The following MAF variants were observed in gnomAD, a reference collection of about 807,000 sequenced individuals.
MAF encodes the protein transcription factor Maf.
In MAF, 10 loss-of-function variants were observed where a neutral mutation model predicts 22.0. The ratio of observed to expected loss-of-function variants is 0.45; its 90% CI spans 0.28 to 0.77. The LOEUF is 0.77. MAF is among the 30% of genes least tolerant of loss of function. The pLI, the probability that MAF is intolerant of heterozygous loss-of-function variation, is 0.12. For missense variants in MAF, 544 were observed against 548.4 expected (o/e 0.99, Z 0.08); for synonymous variants, 337 against 255.8 (o/e 1.32, Z -3.03).
chr16:79,399,293 C>T, the MAF span, among the ~76,000 whole-genome samples: 1 of 152,152 alleles, frequency 6.6e-6, no homozygotes, highest in Non-Finnish European at 1.5e-5. Flanking sequence ...TTGTAAAGTG[C>T]TCATGACAAG....
chr16:79,458,276 G>C, the MAF span, among the ~76,000 whole-genome samples: 7 of 151,990 alleles, frequency 4.6e-5, no homozygotes, highest in African/African-American at 9.7e-5. Flanking sequence ...TTTCTTCCTC[G>C]TGTCTCATCA....
the MAF span, among the ~76,000 whole-genome samples, chr16:79,506,203 G>C: frequency 6.6e-6 from 1 of 152,140 alleles, no homozygotes; most frequent in African/African-American, 2.4e-5. Context: ...TCTGTAACCA[G>C]CTATTGTCCC....
the MAF span, among the ~76,000 whole-genome samples, chr16:79,462,064 G>A: frequency 6.6e-6 from 1 of 152,094 alleles, no homozygotes; most frequent in African/African-American, 2.4e-5. Flanking sequence ...GGCTCTCTCT[G>A]TTTTCCCCGC....
chr16:79,311,511 A>G, the MAF span, among the ~76,000 whole-genome samples: 1 of 151,668 alleles, frequency 6.6e-6, no homozygotes, highest in African/African-American at 2.4e-5. Context: ...AAAAAAAAAA[A>G]AAAACATTAT....
chr16:79,596,552 G>C, intron 1 of MAF: 1 of 1,048,814 alleles, frequency 9.5e-7, no homozygotes, highest in South Asian at 4.6e-5. Flanking sequence ...TGAAAGAAAA[G>C]CACATAGGAA....
the MAF span, among the ~76,000 whole-genome samples, chr16:79,323,210 T>C: frequency 3.4e-3 from 235 of 68,178 alleles, 1 homozygote; most frequent in East Asian, 0.011. Context: ...CTAGTGATGA[T>C]AAGAGTTCAA....
At chr16:79,212,461 A>C in the MAF span, 3 of 246,304 alleles carry the variant, frequency 1.2e-5, no homozygotes, top group Admixed American at 9.8e-5. Flanking sequence ...CAAATTTTTC[A>C]AATCATTCCT....
the MAF span, among the ~76,000 whole-genome samples, chr16:79,483,989 A>G: frequency 6.6e-6 from 1 of 152,158 alleles, no homozygotes; most frequent in African/African-American, 2.4e-5. Flanking sequence ...AGGGATGGAA[A>G]AAGTGTGTTA....
the MAF span, among the ~76,000 whole-genome samples, chr16:79,430,984 T>C: frequency 1.3e-5 from 2 of 152,320 alleles, 1 homozygote; most frequent in South Asian, 4.1e-4. Context: ...CCCTCTTTTC[T>C]ACTAGCTCTG....
chr16:79,363,255 T>C, the MAF span, among the ~76,000 whole-genome samples: 25 of 152,300 alleles, frequency 1.6e-4, no homozygotes, highest in South Asian at 1.9e-3. Flanking sequence ...GGAGGAGATA[T>C]ATTAAAATAC....
At chr16:79,593,000 C>T (rs1046652216), downstream of MAF, among the ~76,000 whole-genome samples, 1 of 152,104 alleles carries the variant, frequency 6.6e-6, no homozygotes, top group Non-Finnish European at 1.5e-5. Context: ...GGAAATCAGA[C>T]GGCTGAAGGT....
At chr16:79,329,642 A>G in the MAF span, among the ~76,000 whole-genome samples, 2 of 152,182 alleles carry the variant, frequency 1.3e-5, no homozygotes, top group African/African-American at 4.8e-5. Flanking sequence ...CCCCATCTGA[A>G]TAACCCTCTA....
the MAF span, chr16:79,229,228 T>A: frequency 6.6e-6 from 1 of 151,546 alleles, no homozygotes; most frequent in African/African-American, 2.4e-5. Flanking sequence ...AAAACCCTCA[T>A]CTCCAGGCCA....
chr16:79,569,296 C>T, the MAF span, among the ~76,000 whole-genome samples: 1 of 152,170 alleles, frequency 6.6e-6, no homozygotes, highest in Admixed American at 6.5e-5. Context: ...TGAGTCTTGG[C>T]AACCAAAAAT....
the MAF span, among the ~76,000 whole-genome samples, chr16:79,356,094 C>CA: frequency 6.6e-6 from 1 of 152,042 alleles, no homozygotes; most frequent in African/African-American, 2.4e-5. Flanking sequence ...CCTACACACC[C>CA]ACACGTGCAT....
the MAF span, among the ~76,000 whole-genome samples, chr16:79,528,052 G>C: frequency 3.3e-5 from 5 of 152,164 alleles, no homozygotes; most frequent in African/African-American, 9.7e-5. Flanking sequence ...CTGAGCAGGA[G>C]AATCACTTGA....
the MAF span, among the ~76,000 whole-genome samples, chr16:79,278,761 C>T: frequency 1.1e-4 from 16 of 152,204 alleles, no homozygotes; most frequent in East Asian, 1.4e-3. Context: ...AACAGGGACC[C>T]GCCCTGACAG....
the MAF span, chr16:79,206,821 A>G: frequency 6.6e-6 from 1 of 151,298 alleles, no homozygotes; most frequent in African/African-American, 2.4e-5. Flanking sequence ...GAGGCCTATG[A>G]GCCTCATTCC....
the MAF span, among the ~76,000 whole-genome samples, chr16:79,247,932 T>A: frequency 6.6e-6 from 1 of 152,238 alleles, no homozygotes; most frequent in Non-Finnish European, 1.5e-5. Context: ...TGTTTCCTTC[T>A]AAATGTGCTT....
Sources: gnomAD v4.1 joint callset for allele counts (sites outside exome capture counted in the v4.1 genomes callset) on GRCh38, gnomAD v4.1.1 for gene constraint, MANE v1.5 for transcripts, NCBI Gene and HGNC (gene_info 2026-07-23, HGNC 2026-07-21) for gene names.